Variants in PAM observed in about 807,000 individuals in gnomAD.
The protein encoded by PAM is peptidylglycine alpha-amidating monooxygenase.
In PAM, 72 loss-of-function variants were observed where a neutral mutation model predicts 122.1. The observed-to-expected ratio is 0.59, with a 90% CI of 0.49 to 0.72. PAM has a LOEUF of 0.72. PAM is among the 30% of genes least tolerant of loss of function. The pLI is 0.00. For missense variants in PAM, 1,106 were observed against 1,183.7 expected, an observed-to-expected ratio of 0.93 and a Z score of 0.96; for synonymous variants, 389 against 404.4, an observed-to-expected ratio of 0.96 and a Z score of 0.46.
chr5:102,793,264 C>A (rs1029648463), intron 1 of PAM, among the ~76,000 whole-genome samples: 1 of 152,070 alleles, frequency 6.6e-6, no homozygotes, highest in South Asian at 2.1e-4. Context: ...TGCAGTGGCT[C>A]ATGCCTGTAA....
In PAM at chr5:102,974,424, G is replaced by A. The variant is rs766615993; in HGVS notation, c.1471G>A (p.Glu491Lys). 9 of 1,611,724 alleles carry A rather than the reference G, an allele frequency of 5.6e-6. No individual in the cohort carries two copies. Among genetic ancestry groups the A allele is most frequent in the Non-Finnish European group, 7.6e-6 (9 of 1,178,494 alleles). Residue 491 changes from glutamate to lysine, a missense_variant, in exon 15 of 26, where the codon GAA becomes AAA. Physicochemically the swap from Glu to Lys is moderately conservative, Grantham distance 56. Transcript: ENST00000438793. ...ACCTGGTGAAGGCACCTGGGAACCA[G>A]AACACACAGGAGGTGCGTGTAGGGT... ...PPPGEGTWEP[E>K]HTGDFHMEEA...
Position 102,935,165 on chromosome 5 carries a change from C to T in PAM, c.526+8497C>T, listed in dbSNP as rs139357199. Among the ~76,000 whole-genome samples, 476 of 152,284 alleles carry T rather than the reference C, an allele frequency of 3.1e-3. 3 individuals are homozygous for T. The highest frequency in any genetic ancestry group is 0.024 in the South Asian group (116 of 4,832). ...CCCTTTCTCACCTAATTCCTCCCCA[C>T]CCCAGCTATTGCTTATGTCTGCCAA... On this transcript the variant is annotated intron_variant, in intron 7 of 25. Transcript: ENST00000438793.
At chr5:102,922,702 CTTGT>C (rs1187721462) in intron 5 of PAM, among the ~76,000 whole-genome samples, 1 of 152,138 alleles carries the variant, frequency 6.6e-6, no homozygotes, top group Non-Finnish European at 1.5e-5. Flanking sequence ...AAACAGTTAT[CTTGT>C]TTAACCTAAG....
At chr5:102,959,011 C>T (rs1042575816) in intron 12 of PAM, among the ~76,000 whole-genome samples, 1 of 151,958 alleles carries the variant, frequency 6.6e-6, no homozygotes, top group African/African-American at 2.4e-5. Flanking sequence ...TGGTTCCTTC[C>T]TAATAATGCT....
At chr5:102,946,286 G>A (rs10077788) in intron 7 of PAM, among the ~76,000 whole-genome samples, 6,132 of 152,020 alleles carry the variant, frequency 0.04, 257 homozygotes, top group African/African-American at 0.097. Flanking sequence ...GCAAGCATAT[G>A]GGCTCTTCAG....
chr5:102,997,180 T>C (rs965718879), intron 16 of PAM, among the ~76,000 whole-genome samples: 1 of 152,184 alleles, frequency 6.6e-6, no homozygotes, highest in Non-Finnish European at 1.5e-5. Context: ...AGATAATTAG[T>C]TGTTACATTG....
At position 102,803,513 on chromosome 5, in the gene PAM, G is replaced by A. The variant is rs550778901; in HGVS notation, c.-374+48165G>A. 6.6e-4 allele frequency among the ~76,000 whole-genome samples: 100 copies of A among 152,262 alleles called. 2 individuals carry two copies. The highest frequency in any genetic ancestry group is 1.4e-3 in the East Asian group (7 of 5,156). Reference sequence around the variant, plus strand: ...ATGGGAGCACACCTGCTCTCTGGCTGTGATGAGAAGCAGTAGAGGTCCAGG... The same window carrying A: ...ATGGGAGCACACCTGCTCTCTGGCTATGATGAGAAGCAGTAGAGGTCCAGG... On this transcript the variant is annotated intron_variant, in intron 1 of 25. Transcript: ENST00000438793.
At chr5:102,882,587 T>C (rs894060296) in intron 3 of PAM, among the ~76,000 whole-genome samples, 1 of 152,038 alleles carries the variant, frequency 6.6e-6, no homozygotes, top group Non-Finnish European at 1.5e-5. Context: ...TCTTTCTGAT[T>C]TGTTTGAGTT....
chr5:102,883,394 A>G lies in PAM; in HGVS notation c.210+16001A>G, dbSNP rs531350218. Among the ~76,000 whole-genome samples, 146 of 152,080 alleles carry G rather than the reference A, an allele frequency of 9.6e-4. 1 individual carries two copies. The highest frequency in any genetic ancestry group is 3.3e-3 in the African/African-American group (137 of 41,522). ...TGTGTCACCTATGATTTCTTTCAGCAGTGTTTTGTAGTTTTACTTGTAGAG... is the reference window on the plus strand; with the variant it reads ...TGTGTCACCTATGATTTCTTTCAGCGGTGTTTTGTAGTTTTACTTGTAGAG... On this transcript the variant is annotated intron_variant, in intron 3 of 25. Coordinates refer to ENST00000438793, the MANE Select transcript of PAM (RefSeq NM_001177306.2).
At chr5:102,877,270 G>C (rs754620080) in intron 3 of PAM, among the ~76,000 whole-genome samples, 11 of 152,186 alleles carry the variant, frequency 7.2e-5, no homozygotes, top group Non-Finnish European at 1.2e-4. Context: ...CATTACAATG[G>C]ATTAGTTAAG....
At chr5:102,964,552 G>GTTTCTTATTGC (rs1763455085) in intron 14 of PAM, among the ~76,000 whole-genome samples, 1 of 151,832 alleles carries the variant, frequency 6.6e-6, no homozygotes, top group Non-Finnish European at 1.5e-5. Context: ...AATTGAGTCT[G>GTTTCTTATTGC]TAGGGATTTC....
chr5:102,809,392 C>A (rs180744537), intron 1 of PAM, among the ~76,000 whole-genome samples: 40 of 149,966 alleles, frequency 2.7e-4, no homozygotes, highest in Middle Eastern at 3.5e-3. Context: ...AACAAAAAAA[C>A]CCTTAAATTT....
At chr5:102,899,321 T>C (rs1425612540) in intron 3 of PAM, among the ~76,000 whole-genome samples, 2 of 151,652 alleles carry the variant, frequency 1.3e-5, no homozygotes, top group Admixed American at 6.6e-5. Flanking sequence ...ATTCTCTGTA[T>C]TATATGTGAC....
chr5:103,004,234 C>A (rs1450464584), intron 17 of PAM, among the ~76,000 whole-genome samples: 2 of 152,132 alleles, frequency 1.3e-5, no homozygotes, highest in Non-Finnish European at 2.9e-5. Context: ...TTCATTGGTG[C>A]TCTATTTATT....
chr5:102,874,332 C>T (rs941746813), intron 3 of PAM, among the ~76,000 whole-genome samples: 6 of 152,130 alleles, frequency 3.9e-5, no homozygotes, highest in African/African-American at 1.4e-4. Flanking sequence ...TGTTAAATGG[C>T]TTTTGTAAAC....
chr5:102,887,656 G>A (rs60129013), intron 3 of PAM, among the ~76,000 whole-genome samples: 1,884 of 151,998 alleles, frequency 0.012, 46 homozygotes, highest in African/African-American at 0.042. Flanking sequence ...CTCTTTAGTG[G>A]TCTAAATTCT....
At chr5:103,005,701 G>A (rs1316330024) in intron 18 of PAM, among the ~76,000 whole-genome samples, 1 of 152,096 alleles carries the variant, frequency 6.6e-6, no homozygotes, top group Non-Finnish European at 1.5e-5. Context: ...ATGTGAATTT[G>A]GATTTGAGGC....
Position 102,950,747 on chromosome 5 carries a change from G to A in PAM, c.832G>A (p.Val278Ile), listed in dbSNP as rs1369288541. Residue 278 changes from valine (V) to isoleucine (I), a missense_variant, in exon 12 of 26, where the codon GTA (valine) becomes ATA (isoleucine). Val to Ile is a conservative substitution (Grantham distance 29, BLOSUM62 3). Transcript: ENST00000438793. ...AFYPVGHPVD[V>I]SFGDLLAARC... ...CTACCCTGTGGGGCATCCAGTTGAT[G>A]TAAGTTTTGGTGACCTACTGGCTGC... 1 of 1,611,422 alleles carries A rather than the reference G, an allele frequency of 6.2e-7. No individual in the cohort carries two copies. Among genetic ancestry groups the A allele is most frequent in the Non-Finnish European group, 8.5e-7 (1 of 1,177,882 alleles).
intron 3 of PAM, among the ~76,000 whole-genome samples, chr5:102,876,102 G>A (rs1483023244): frequency 6.6e-6 from 1 of 152,064 alleles, no homozygotes; most frequent in Non-Finnish European, 1.5e-5. Context: ...GGCAATTCCC[G>A]TGGTATAATT....
Sources: allele counts gnomAD v4.1 joint callset (sites outside exome capture counted in the v4.1 genomes callset), GRCh38; gene constraint gnomAD v4.1.1; transcripts MANE v1.5; gene names NCBI Gene and HGNC (gene_info 2026-07-23, HGNC 2026-07-21).